Variants in NUP133 observed in about 807,000 individuals in gnomAD.
NUP133 encodes nucleoporin 133.
A neutral mutation model predicts 146.2 loss-of-function variants in NUP133; 66 were observed. The ratio of observed to expected loss-of-function variants is 0.45; its 90% CI spans 0.37 to 0.55. The LOEUF is 0.55. NUP133 is among the 20% of genes least tolerant of loss of function. NUP133 has a pLI of 0.00. For synonymous variants in NUP133, 521 were observed against 498.8 expected (o/e 1.04, Z -0.59); for missense variants, 1,277 against 1,374.8 (o/e 0.93, Z 1.12).
rs1452617230 is a variant in NUP133 at position 229,477,582 on chromosome 1, T to C, written c.1756+15A>G. On this transcript the variant is annotated intron_variant, in intron 13 of 25. Coordinates refer to ENST00000261396, the MANE Select transcript of NUP133 (RefSeq NM_018230.3). ...ATGTTCAAAACACACCGTTCCATAA[T>C]TGAAACATTCTTACCCTCAGGGACA... 1 of 1,587,014 alleles carries C rather than the reference T, an allele frequency of 6.3e-7. No individual in the cohort carries two copies. Among genetic ancestry groups the C allele is most frequent in the East Asian group, 2.2e-5 (1 of 44,520 alleles).
intron 1 of NUP133, among the ~76,000 whole-genome samples, chr1:229,506,830 A>AC (rs1290938967): frequency 6.6e-6 from 1 of 151,500 alleles, no homozygotes; most frequent in Non-Finnish European, 1.5e-5. Context: ...TTAAAAAAAA[A>AC]AAAAAAAAAA....
chr1:229,466,702 A>G lies in NUP133; in HGVS notation c.2131T>C (p.Leu711=), dbSNP rs754065836. Residue 711 remains leucine (L), a synonymous_variant, in exon 16 of 26, where the codon TTG becomes CTG. Transcript: ENST00000261396. ...ECLLEHEEQV[L]RDAPMDSIEW... ...ATGGAATCCATAGGTGCATCCCTCAAGACTTGCTCCTCATGCTCCAGTAAG... is the reference window on the plus strand; with the variant it reads ...ATGGAATCCATAGGTGCATCCCTCAGGACTTGCTCCTCATGCTCCAGTAAG... 4 of 1,613,966 alleles carry G rather than the reference A, an allele frequency of 2.5e-6. No individual in the cohort carries two copies. The highest frequency in any genetic ancestry group is 3.3e-5 in the Admixed American group (2 of 60,018).
chr1:229,449,051 T>C (rs1660381019), intron 24 of NUP133, 75 bp downstream of exon 24: 15 of 1,109,338 alleles, frequency 1.4e-5, no homozygotes, highest in Non-Finnish European at 1.9e-5. Context: ...TCTTCTGTTA[T>C]TGACTGTCAT....
At chr1:229,498,452 T>C (rs1180815127) in intron 5 of NUP133, 146 bp from the exon 6 acceptor site, 2 of 577,276 alleles carry the variant, frequency 3.5e-6, no homozygotes, top group Non-Finnish European at 2.8e-6. Context: ...ATTAAAGTAA[T>C]ATATTTCAGA....
chr1:229,451,396 T>A (rs1251031560), intron 22 of NUP133, among the ~76,000 whole-genome samples: 2 of 144,840 alleles, frequency 1.4e-5, no homozygotes. Flanking sequence ...AATACCAAGA[T>A]CTTGTCTCTA....
chr1:229,467,646 T>G (rs1660853767), intron 15 of NUP133, among the ~76,000 whole-genome samples: 2 of 152,118 alleles, frequency 1.3e-5, no homozygotes, highest in South Asian at 2.1e-4. Context: ...TGAAAGCCTA[T>G]ATAATGGCCG....
rs1040853569 is a variant in NUP133 at position 229,508,335 on chromosome 1, G to A, written c.-86C>T. 109 of 1,017,772 alleles carry A rather than the reference G, an allele frequency of 1.1e-4. No homozygotes were observed. The East Asian group carries it at 2.9e-3, about 27-fold the overall frequency. The allele number at this position is 1,017,772 out of a possible 1,614,324, so 63.0% of individuals were successfully genotyped here. A position where few individuals can be genotyped will look rare whatever the true frequency, so the allele number is the denominator to read the frequency against. ...TGCGCGCGGAACTTAAACACCTAAGGGAAGAGATGGCGCGCGATGATGACG... is the reference window on the plus strand; with the variant it reads ...TGCGCGCGGAACTTAAACACCTAAGAGAAGAGATGGCGCGCGATGATGACG... On this transcript the variant is annotated 5_prime_UTR_variant, in exon 1 of 26. Transcript: ENST00000261396.
intron 7 of NUP133, 134 bp downstream of exon 7, chr1:229,495,758 A>ATGG (rs1661640641): frequency 2.1e-6 from 2 of 941,838 alleles, no homozygotes; most frequent in Admixed American, 5.7e-5. Context: ...ACCCATTTCC[A>ATGG]CTTAATCTGA....
Position 229,506,111 on chromosome 1 carries a change from A to T in NUP133, c.230T>A (p.Val77Glu), listed in dbSNP as rs1348080908. ...TCCAAACGTTTTCACATCATAGTTC[A>T]CAGACTCAGTTATGGAGTGGTGTGG... ...MFPHHSITES[V>E]NYDVKTFGSS... The change falls in exon 2 of 26, where the codon GTG (valine) becomes GAG (glutamate). Residue 77 changes from valine to glutamate, a missense_variant. Around this residue, in one of 3 missense-constraint regions of NUP133, gnomAD observed 319 missense variants for 306.9 expected, o/e 1.04. Transcript: ENST00000261396. 6.2e-7 allele frequency: 1 copy of T among 1,613,596 alleles called. No homozygotes were observed. The highest frequency in any genetic ancestry group is 1.1e-5 in the South Asian group (1 of 91,064).
At chr1:229,490,980 T>C (rs930103042) in intron 8 of NUP133, among the ~76,000 whole-genome samples, 2 of 150,702 alleles carry the variant, frequency 1.3e-5, no homozygotes, top group Non-Finnish European at 3.0e-5. Context: ...AAACAACTTG[T>C]GGAATTATAA....
chr1:229,465,469 A>G lies in NUP133; in HGVS notation c.2250T>C (p.Tyr750=), dbSNP rs768255725. 3 of 1,613,994 alleles carry G rather than the reference A, an allele frequency of 1.9e-6. No individual in the cohort carries two copies. The East Asian group carries it at 6.7e-5, about 36-fold the overall frequency. Residue 750 remains tyrosine, a synonymous_variant, in exon 17 of 26, where the codon TAT becomes TAC. Transcript: ENST00000261396. ...CTTTTTCTAGTGATTCTTCTCTTCT[A>G]TACAAAGAGTTTCTATTTTGGCGAT... ...SHYRQNRNSL[Y]RREESLEKEP...
chr1:229,493,880 C>A (rs962769551), intron 8 of NUP133, among the ~76,000 whole-genome samples: 14 of 152,216 alleles, frequency 9.2e-5, no homozygotes, highest in African/African-American at 3.4e-4. Flanking sequence ...CACCTGCAAT[C>A]CCACTACTTT....
chr1:229,449,314 G>A (rs1375904331), intron 23 of NUP133, 124 bp from the exon 24 acceptor site: 23 of 628,340 alleles, frequency 3.7e-5, no homozygotes, highest in Non-Finnish European at 5.8e-5. Flanking sequence ...TTACTTTCAG[G>A]TTACTCTGTG....
At chr1:229,503,518 A>T (rs1481930027) in intron 2 of NUP133, among the ~76,000 whole-genome samples, 1 of 152,242 alleles carries the variant, frequency 6.6e-6, no homozygotes, top group Non-Finnish European at 1.5e-5. Flanking sequence ...ACATATCTTA[A>T]GTATTGGTGG....
In NUP133 at chr1:229,508,158, G is replaced by C. The variant is rs368768737; in HGVS notation, c.92C>G (p.Thr31Arg). The change falls in exon 1 of 26, where the codon ACG (threonine) becomes AGG (arginine). Residue 31 changes from threonine to arginine, a missense_variant. Transcript: ENST00000261396. ...AGLGPGSTPRTASRKGLPLGS... is the reference protein window; with the variant it reads ...AGLGPGSTPRRASRKGLPLGS... ...CAGGGGCAGACCCTTCCTGCTAGCC[G>C]TCCGGGGCGTGGAGCCGGGCCCGAG... The C allele has an allele frequency of 6.3e-7, 1 of 1,593,588 alleles. No individual in the cohort carries two copies. The highest frequency in any genetic ancestry group is 1.4e-5 in the African/African-American group (1 of 73,684).
At chr1:229,487,069 T>C (rs1661370082) in intron 10 of NUP133, among the ~76,000 whole-genome samples, 1 of 151,996 alleles carries the variant, frequency 6.6e-6, no homozygotes, top group African/African-American at 2.4e-5. Flanking sequence ...ATCTGCTTGG[T>C]TCTTCTTCAA....
At chr1:229,466,271 G>A (rs985707600) in intron 16 of NUP133, among the ~76,000 whole-genome samples, 25 of 152,262 alleles carry the variant, frequency 1.6e-4, no homozygotes, top group African/African-American at 4.8e-4. Context: ...AGAGTTCAAG[G>A]TTACAGTGAG....
chr1:229,462,965 T>G (rs555706774), intron 19 of NUP133, among the ~76,000 whole-genome samples: 1 of 152,240 alleles, frequency 6.6e-6, no homozygotes, highest in Non-Finnish European at 1.5e-5. Flanking sequence ...CCGAGTATCT[T>G]CTATACAATT....
intron 20 of NUP133, 93 bp from the exon 21 acceptor site, chr1:229,458,389 A>G: frequency 1.6e-6 from 2 of 1,257,000 alleles, no homozygotes; most frequent in Middle Eastern, 1.9e-4. Flanking sequence ...TTTCTCCCCT[A>G]AGCCGTATCA....
Sources: gnomAD v4.1 joint callset for allele counts (sites outside exome capture counted in the v4.1 genomes callset) on GRCh38, gnomAD v4.1.1 for gene constraint, gnomAD v4.1.1 regional missense constraint, MANE v1.5 for transcripts, NCBI Gene and HGNC (gene_info 2026-07-23, HGNC 2026-07-21) for gene names.